Variants in SMIM14 observed in about 807,000 individuals in gnomAD.
SMIM14 encodes chromosome 4 open reading frame 34.
SMIM14 carries 5 observed loss-of-function variants against 12.6 expected under a neutral mutation model. The observed-to-expected ratio is 0.40, with a 90% CI of 0.21 to 0.83. SMIM14 has a LOEUF of 0.83. Among genes scored for constraint, SMIM14 ranks in the 40% least tolerant of loss-of-function variants. The pLI, the probability that SMIM14 is intolerant of heterozygous loss-of-function variation, is 0.37. For synonymous variants in SMIM14, 30 were observed against 40.1 expected (o/e 0.75, Z 0.95); for missense variants, 86 against 119.1 (o/e 0.72, Z 1.29).
At chr4:39,632,958 T>A (rs912493721) in intron 1 of SMIM14, among the ~76,000 whole-genome samples, 2 of 152,120 alleles carry the variant, frequency 1.3e-5, no homozygotes, top group African/African-American at 4.8e-5. Context: ...TGTATATATA[T>A]ATATATGCTA....
intron 2 of SMIM14, among the ~76,000 whole-genome samples, chr4:39,591,457 C>CA (rs1009419468): frequency 9.9e-5 from 15 of 152,180 alleles, no homozygotes; most frequent in African/African-American, 3.6e-4. Flanking sequence ...AGAAAGGACC[C>CA]ATGCCAAGTA....
chr4:39,590,539 C>A (rs1307035936), intron 2 of SMIM14, among the ~76,000 whole-genome samples: 2 of 152,112 alleles, frequency 1.3e-5, no homozygotes, highest in Non-Finnish European at 1.5e-5. Context: ...TGGTGGCTCA[C>A]GCCTGTAATC....
chr4:39,595,783 T>A (rs185934012), intron 2 of SMIM14, among the ~76,000 whole-genome samples: 149 of 151,976 alleles, frequency 9.8e-4, no homozygotes, highest in African/African-American at 3.4e-3. Flanking sequence ...TAATTTTTTT[T>A]ATTTTCGGTA....
chr4:39,620,406 G>A (rs535863157), intron 1 of SMIM14, among the ~76,000 whole-genome samples: 36 of 152,274 alleles, frequency 2.4e-4, no homozygotes, highest in African/African-American at 7.5e-4. Flanking sequence ...GTGAACCTGG[G>A]AGGTGGAGCC....
chr4:39,584,756 A>G (rs1229238301), intron 2 of SMIM14, among the ~76,000 whole-genome samples: 3 of 141,614 alleles, frequency 2.1e-5, no homozygotes, highest in East Asian at 4.1e-4. Flanking sequence ...AGATCATGCA[A>G]CTGCACTCCA....
intron 1 of SMIM14, among the ~76,000 whole-genome samples, chr4:39,632,949 GTA>G (rs764600768): frequency 2.1e-4 from 31 of 149,488 alleles, no homozygotes; most frequent in Admixed American, 6.0e-4. Context: ...ATGCAAGTAT[GTA>G]TATATATATA....
intron 2 of SMIM14, among the ~76,000 whole-genome samples, chr4:39,602,204 G>A (rs1245192332): frequency 6.6e-6 from 1 of 151,100 alleles, no homozygotes; most frequent in Non-Finnish European, 1.5e-5. Flanking sequence ...CGCAGAGATC[G>A]TGCCACTGCC....
intron 1 of SMIM14, among the ~76,000 whole-genome samples, chr4:39,616,196 C>T (rs768656771): frequency 3.9e-5 from 6 of 152,158 alleles, no homozygotes; most frequent in Non-Finnish European, 5.9e-5. Flanking sequence ...AGTGCAGTGT[C>T]GCCATCTTGG....
intron 1 of SMIM14, among the ~76,000 whole-genome samples, chr4:39,626,323 T>G (rs1326093151): frequency 1.3e-5 from 2 of 152,114 alleles, no homozygotes; most frequent in Non-Finnish European, 2.9e-5. Flanking sequence ...TTATTTATAT[T>G]CAACAAATCA....
chr4:39,624,105 T>A (rs1323811213), intron 1 of SMIM14, among the ~76,000 whole-genome samples: 4 of 152,216 alleles, frequency 2.6e-5, no homozygotes, highest in South Asian at 2.1e-4. Context: ...ATGACTTTTA[T>A]CAGATTACCC....
At chr4:39,596,299 T>C (rs1180177295) in intron 2 of SMIM14, among the ~76,000 whole-genome samples, 1 of 152,124 alleles carries the variant, frequency 6.6e-6, no homozygotes, top group Non-Finnish European at 1.5e-5. Flanking sequence ...TTCTCCATGT[T>C]AGTCAGGCTG....
chr4:39,590,212 G>A lies in SMIM14; in HGVS notation c.75+14859C>T, dbSNP rs552140498. Among the ~76,000 whole-genome samples, 80 of 151,844 alleles carry A rather than the reference G, an allele frequency of 5.3e-4. 2 individuals carry two copies. The highest frequency in any genetic ancestry group is 1.9e-3 in the African/African-American group (79 of 41,394). On this transcript the variant is annotated intron_variant, in intron 2 of 4. Transcript: ENST00000295958. ...GTGGATCACCTGAGGTTGGGAGTTCGAGACCAGCCTGACCAACATGGTGAA... is the reference window on the plus strand; with the variant it reads ...GTGGATCACCTGAGGTTGGGAGTTCAAGACCAGCCTGACCAACATGGTGAA...
rs755032308 is a variant in SMIM14, at chr4:39,603,475, C to T, written c.75+1596G>A. On this transcript the variant is annotated intron_variant, in intron 2 of 4. Coordinates refer to ENST00000295958, the MANE Select transcript of SMIM14 (RefSeq NM_174921.3). ...TTGGGAGGCTGAGGCAGGAGAATGG[C>T]GTGAACCTGGGAGGCGGAGCTTGCA... 4.6e-5 allele frequency among the ~76,000 whole-genome samples: 7 copies of T among 152,112 alleles called. No homozygotes were observed. The East Asian group carries it at 1.4e-3, about 29-fold the overall frequency.
At chr4:39,596,490 A>G (rs1468239614) in intron 2 of SMIM14, among the ~76,000 whole-genome samples, 1 of 152,202 alleles carries the variant, frequency 6.6e-6, no homozygotes, top group East Asian at 1.9e-4. Context: ...AGGACTGAAC[A>G]TGTCTCTGCC....
At chr4:39,598,141 T>TGGTAGCA (rs1334579160) in intron 2 of SMIM14, among the ~76,000 whole-genome samples, 1 of 152,208 alleles carries the variant, frequency 6.6e-6, no homozygotes, top group East Asian at 1.9e-4. Context: ...GGTTTTAGCC[T>TGGTAGCA]GGTAGCAAAG....
At chr4:39,633,166 C>T (rs1390086373) in intron 1 of SMIM14, among the ~76,000 whole-genome samples, 2 of 151,644 alleles carry the variant, frequency 1.3e-5, no homozygotes, top group African/African-American at 4.8e-5. Context: ...TGGTGGCGCA[C>T]GTCTGTAATC....
In SMIM14 at chr4:39,638,538, G is replaced by T. The variant is rs1252152527; in HGVS notation, c.-36+201C>A. 9.1e-6 allele frequency: 9 copies of T among 985,390 alleles called. No individual in the cohort carries two copies. In the South Asian group the frequency reaches 4.2e-4, roughly 46 times the overall value. The allele number at this position is 985,390 out of a possible 1,614,324, so 61.0% of individuals were successfully genotyped here. On this transcript the variant is annotated intron_variant, in intron 1 of 4. Coordinates refer to ENST00000295958, the MANE Select transcript of SMIM14 (RefSeq NM_174921.3). ...GAGAATACCCAATTGCAGGCTCTTC[G>T]CGGGGGACGCGGGCTCGGCAGCAGC...
intron 2 of SMIM14, among the ~76,000 whole-genome samples, chr4:39,584,808 A>AG (rs1471798646): frequency 1.3e-5 from 2 of 150,542 alleles, no homozygotes; most frequent in African/African-American, 4.9e-5. Flanking sequence ...AAAAAAAAAA[A>AG]AAAGAAAAAA....
At chr4:39,596,052 C>T (rs932519593) in intron 2 of SMIM14, among the ~76,000 whole-genome samples, 12 of 152,082 alleles carry the variant, frequency 7.9e-5, no homozygotes, top group Admixed American at 2.6e-4. Context: ...CTGCTCCTTC[C>T]TCCTACTCCT....
Sources: allele counts gnomAD v4.1 joint callset (sites outside exome capture counted in the v4.1 genomes callset), GRCh38; gene constraint gnomAD v4.1.1; transcripts MANE v1.5; gene names NCBI Gene and HGNC (gene_info 2026-07-23, HGNC 2026-07-21).